RUNX1: variants seen among roughly 807,000 people sequenced by gnomAD.
RUNX1 encodes the protein RUNX family transcription factor 1.
In RUNX1, 19 loss-of-function variants were observed where a neutral mutation model predicts 42.8. The observed-to-expected ratio is 0.44, with a 90% CI of 0.31 to 0.65. RUNX1 has a LOEUF of 0.65. RUNX1 is among the 30% of genes least tolerant of loss of function. The pLI, the probability that RUNX1 is intolerant of heterozygous loss-of-function variation, is 0.07. For synonymous variants in RUNX1, 271 were observed against 289.4 expected, an observed-to-expected ratio of 0.94 and a Z score of 0.64; for missense variants, 528 against 672.0, an observed-to-expected ratio of 0.79 and a Z score of 2.37.
intron 6 of RUNX1, among the ~76,000 whole-genome samples, chr21:34,855,744 A>G (rs1261370846): frequency 2.6e-5 from 4 of 152,122 alleles, no homozygotes; most frequent in Non-Finnish European, 5.9e-5. Flanking sequence ...AAACTCTCAA[A>G]TATCCTTTTC....
chr21:35,016,602 C>T (rs905082677), intron 2 of RUNX1, among the ~76,000 whole-genome samples: 4 of 152,144 alleles, frequency 2.6e-5, no homozygotes, highest in African/African-American at 7.2e-5. Flanking sequence ...CCTCATCCTG[C>T]TCCTTCTTCT....
intron 2 of RUNX1, among the ~76,000 whole-genome samples, chr21:34,935,113 G>A (rs527955766): frequency 6.6e-6 from 1 of 152,286 alleles, no homozygotes; most frequent in African/African-American, 2.4e-5. Flanking sequence ...AAGAGGCTTA[G>A]AGAGCAAATA....
At chr21:34,915,040 GATAACGATTCCTCCTTTACAGC>G (rs1360743607) in intron 2 of RUNX1, among the ~76,000 whole-genome samples, 1 of 152,118 alleles carries the variant, frequency 6.6e-6, no homozygotes, top group Non-Finnish European at 1.5e-5. Context: ...ATAGAATGAG[GATAACGATTCCTCCTTTACAGC>G]ACCGTTATGA....
At chr21:34,936,148 T>G (rs1030395260) in intron 2 of RUNX1, among the ~76,000 whole-genome samples, 4 of 149,286 alleles carry the variant, frequency 2.7e-5, no homozygotes, top group Non-Finnish European at 5.9e-5. Flanking sequence ...TGAATTGAAT[T>G]TATGACTCAA....
At chr21:34,839,977 A>AT (rs1835186245) in intron 6 of RUNX1, among the ~76,000 whole-genome samples, 1 of 152,120 alleles carries the variant, frequency 6.6e-6, no homozygotes, top group African/African-American at 2.4e-5. Flanking sequence ...CCGTCTTTTC[A>AT]TTTTTTTAAC....
intron 2 of RUNX1, among the ~76,000 whole-genome samples, chr21:35,000,774 T>C (rs1171526633): frequency 1.3e-5 from 2 of 152,212 alleles, no homozygotes; most frequent in Non-Finnish European, 2.9e-5. Flanking sequence ...CCTTTTGGTA[T>C]GGCCTCCTAA....
chr21:34,880,459 A>T lies in RUNX1; in HGVS notation c.508+98T>A, dbSNP rs541070166. The T allele has an allele frequency of 1.2e-4, 142 of 1,139,054 alleles. No individual in the cohort carries two copies. In the East Asian group the frequency reaches 3.2e-3, roughly 25 times the overall value. The allele number at this position is 1,139,054 out of a possible 1,614,324, so 70.6% of individuals were successfully genotyped here. A position where few individuals can be genotyped will look rare whatever the true frequency, so the allele number is the denominator to read the frequency against. ...GCAATAAGAATGTTAAGACAGACCG[A>T]GTTTCTAGGGATTCCATCACAGAAA... On this transcript the variant is annotated intron_variant, in intron 5 of 8. Transcript: ENST00000675419.
intron 2 of RUNX1, among the ~76,000 whole-genome samples, chr21:34,942,179 T>C (rs1820257330): frequency 6.6e-6 from 1 of 152,164 alleles, no homozygotes; most frequent in African/African-American, 2.4e-5. Flanking sequence ...GCCTGTGTGC[T>C]CACAGTGATA....
At chr21:35,038,211 A>T (rs565253235) in intron 2 of RUNX1, among the ~76,000 whole-genome samples, 1 of 152,310 alleles carries the variant, frequency 6.6e-6, no homozygotes, top group African/African-American at 2.4e-5. Flanking sequence ...GTGGTGGATG[A>T]TGGTGACAGG....
chr21:34,842,942 C>G (rs932794395), intron 6 of RUNX1, among the ~76,000 whole-genome samples: 89 of 152,112 alleles, frequency 5.9e-4, no homozygotes, highest in African/African-American at 2.1e-3. Flanking sequence ...GTGGCACGTG[C>G]CTGTAGTCCC....
intron 3 of RUNX1, chr21:34,887,690 G>A (rs2146419232): frequency 9.4e-7 from 1 of 1,066,368 alleles, no homozygotes. Context: ...TAATGTATGT[G>A]CACGTATATA....
At chr21:34,830,306 C>T (rs1044148654) in intron 7 of RUNX1, among the ~76,000 whole-genome samples, 1 of 152,096 alleles carries the variant, frequency 6.6e-6, no homozygotes, top group Non-Finnish European at 1.5e-5. Context: ...TCATATACCC[C>T]CTCTTTCACT....
chr21:35,023,174 G>A (rs1282434301), intron 2 of RUNX1, among the ~76,000 whole-genome samples: 2 of 152,048 alleles, frequency 1.3e-5, no homozygotes, highest in Admixed American at 6.6e-5. Flanking sequence ...AAACTCCTGG[G>A]CTCAAGTGAC....
chr21:34,947,857 C>T lies in RUNX1; in HGVS notation c.59-54894G>A, dbSNP rs991289617. Reference sequence around the variant, plus strand: ...TCCTTATAGAAGCGCTTCTGGACAACGTGGGATGTTGCTAACATTTGGAAA... The same window carrying T: ...TCCTTATAGAAGCGCTTCTGGACAATGTGGGATGTTGCTAACATTTGGAAA... On this transcript the variant is annotated intron_variant, in intron 2 of 8. Transcript: ENST00000675419. 8.5e-5 allele frequency among the ~76,000 whole-genome samples: 13 copies of T among 152,292 alleles called. No individual in the cohort carries two copies. In the South Asian group the frequency reaches 2.1e-3, roughly 24 times the overall value.
intron 6 of RUNX1, among the ~76,000 whole-genome samples, chr21:34,856,624 T>C (rs893307537): frequency 6.6e-6 from 1 of 152,250 alleles, no homozygotes; most frequent in African/African-American, 2.4e-5. Context: ...GTTTCATTTT[T>C]CTGGGGCTAT....
At chr21:34,920,153 C>T (rs1357923774) in intron 2 of RUNX1, among the ~76,000 whole-genome samples, 4 of 152,162 alleles carry the variant, frequency 2.6e-5, no homozygotes, top group East Asian at 3.8e-4. Context: ...TACTATTTTA[C>T]CAATTTTGGG....
intron 2 of RUNX1, among the ~76,000 whole-genome samples, chr21:34,943,956 GA>G (rs1310023056): frequency 6.6e-6 from 1 of 151,396 alleles, no homozygotes; most frequent in African/African-American, 2.4e-5. Context: ...AGCGTAGGAA[GA>G]AAAAAAAGGA....
At chr21:34,867,089 G>A (rs1160525698) in intron 5 of RUNX1, among the ~76,000 whole-genome samples, 1 of 151,960 alleles carries the variant, frequency 6.6e-6, no homozygotes, top group African/African-American at 2.4e-5. Flanking sequence ...CTATTCTGAG[G>A]CAATAAAGAA....
intron 2 of RUNX1, among the ~76,000 whole-genome samples, chr21:34,924,009 C>T (rs2058373827): frequency 6.6e-6 from 1 of 152,184 alleles, no homozygotes; most frequent in East Asian, 1.9e-4. Context: ...GAATCTAATG[C>T]TGTTGTTGTA....
Sources: allele counts gnomAD v4.1 joint callset (sites outside exome capture counted in the v4.1 genomes callset), GRCh38; gene constraint gnomAD v4.1.1; transcripts MANE v1.5; gene names NCBI Gene and HGNC (gene_info 2026-07-23, HGNC 2026-07-21).